The following MAGI3 variants were observed in gnomAD, a reference collection of about 807,000 sequenced individuals.
The protein encoded by MAGI3 is membrane associated guanylate kinase, WW and PDZ domain containing 3.
A neutral mutation model predicts 121.8 loss-of-function variants in MAGI3; 43 were observed. The observed-to-expected ratio is 0.35, with a 90% CI of 0.28 to 0.46. MAGI3 has a LOEUF of 0.46. MAGI3 is among the 20% of genes least tolerant of loss of function. The pLI, the probability that MAGI3 is intolerant of heterozygous loss-of-function variation, is 1.00. For missense variants in MAGI3, 1,547 were observed against 1,797.3 expected, an observed-to-expected ratio of 0.86 and a Z score of 2.52; for synonymous variants, 553 against 639.3, an observed-to-expected ratio of 0.86 and a Z score of 2.04.
At chr1:113,420,151 C>T (rs1257925356) in intron 1 of MAGI3, among the ~76,000 whole-genome samples, 9 of 152,188 alleles carry the variant, frequency 5.9e-5, no homozygotes, top group African/African-American at 2.2e-4. Flanking sequence ...ATGTCCTAGA[C>T]ATTGGCAGTG....
chr1:113,627,148 A>G (rs1490444147), intron 9 of MAGI3, among the ~76,000 whole-genome samples: 1 of 151,922 alleles, frequency 6.6e-6, no homozygotes, highest in African/African-American at 2.4e-5. Flanking sequence ...TATTTGTTTC[A>G]AGAAATTTTT....
chr1:113,411,264 AC>A (rs1328299962), intron 1 of MAGI3, among the ~76,000 whole-genome samples: 1 of 152,174 alleles, frequency 6.6e-6, no homozygotes, highest in Non-Finnish European at 1.5e-5. Flanking sequence ...CTATTTGGAT[AC>A]ACTGACCTTA....
At chr1:113,537,094 A>T (rs1469925247) in intron 1 of MAGI3, among the ~76,000 whole-genome samples, 1 of 152,160 alleles carries the variant, frequency 6.6e-6, no homozygotes, top group Non-Finnish European at 1.5e-5. Context: ...CTTGGCTCTT[A>T]CCATTAGCAC....
intron 1 of MAGI3, among the ~76,000 whole-genome samples, chr1:113,408,868 T>G (rs947284209): frequency 1.2e-4 from 19 of 152,154 alleles, no homozygotes; most frequent in African/African-American, 4.6e-4. Flanking sequence ...TTTCTAGGAT[T>G]AATCTATTAC....
intron 1 of MAGI3, among the ~76,000 whole-genome samples, chr1:113,531,951 A>G (rs980538876): frequency 6.6e-5 from 10 of 152,180 alleles, no homozygotes; most frequent in Non-Finnish European, 8.8e-5. Flanking sequence ...AATTTCTTAC[A>G]CAGTTTCTTT....
intron 1 of MAGI3, among the ~76,000 whole-genome samples, chr1:113,547,380 CA>C (rs1181037120): frequency 6.6e-6 from 1 of 151,680 alleles, no homozygotes; most frequent in Non-Finnish European, 1.5e-5. Flanking sequence ...ATCTTTTATC[CA>C]AATTAAGTCT....
At chr1:113,553,143 T>C (rs145617153) in intron 2 of MAGI3, among the ~76,000 whole-genome samples, 63 of 152,270 alleles carry the variant, frequency 4.1e-4, no homozygotes, top group South Asian at 2.5e-3. Context: ...ACTATGATCC[T>C]TGAGAGAAGA....
rs775888303 is a variant in MAGI3, at chr1:113,683,473, C to T, written c.3905C>T (p.Ser1302Leu). 6.2e-7 allele frequency: 1 copy of T among 1,613,936 alleles called. No homozygotes were observed. The highest frequency in any genetic ancestry group is 1.7e-5 in the Admixed American group (1 of 60,018). ...AAAATTGAAGGAAGCAAAGCTCCAT[C>T]AAATGCTGAGGCCAAATTATTAGAG... Reference protein sequence around the residue: ...QQKIEGSKAPSNAEAKLLEGK... With the variant: ...QQKIEGSKAPLNAEAKLLEGK... Residue 1302 changes from serine to leucine, a missense_variant, in exon 21 of 21, where the codon TCA (serine) becomes TTA (leucine). Ser to Leu is a moderately radical substitution (Grantham distance 145). Coordinates refer to ENST00000307546, the MANE Select transcript of MAGI3 (RefSeq NM_001142782.2).
At chr1:113,587,134 T>C (rs1223896214) in intron 4 of MAGI3, among the ~76,000 whole-genome samples, 1 of 152,212 alleles carries the variant, frequency 6.6e-6, no homozygotes, top group Admixed American at 6.5e-5. Context: ...CTGTAGTTGT[T>C]AGTTAACTAA....
At chr1:113,420,442 C>A (rs1018741096) in intron 1 of MAGI3, among the ~76,000 whole-genome samples, 1 of 152,154 alleles carries the variant, frequency 6.6e-6, no homozygotes, top group East Asian at 1.9e-4. Flanking sequence ...GATTTAGGAA[C>A]CTACTGCTTA....
At chr1:113,474,526 A>T (rs919786159) in intron 1 of MAGI3, among the ~76,000 whole-genome samples, 4 of 152,178 alleles carry the variant, frequency 2.6e-5, no homozygotes, top group Non-Finnish European at 5.9e-5. Flanking sequence ...AGGGAATCCT[A>T]TCCCCATTTC....
At chr1:113,671,917 A>G in intron 17 of MAGI3, 81 bp downstream of exon 17, 1 of 1,232,984 alleles carries the variant, frequency 8.1e-7, no homozygotes, top group Non-Finnish European at 1.2e-6. Flanking sequence ...CCCACTCCCC[A>G]TCATCCACCC....
intron 1 of MAGI3, among the ~76,000 whole-genome samples, chr1:113,416,382 TA>T (rs1292453558): frequency 2.2e-5 from 2 of 89,894 alleles, no homozygotes; most frequent in African/African-American, 4.1e-5. Flanking sequence ...AATATATTAA[TA>T]ATATATATTA....
At chr1:113,656,608 G>C (rs1196297128) in intron 15 of MAGI3, among the ~76,000 whole-genome samples, 1 of 151,956 alleles carries the variant, frequency 6.6e-6, no homozygotes, top group Non-Finnish European at 1.5e-5. Flanking sequence ...GCAGAGACGG[G>C]GTTTTGCCAT....
chr1:113,561,079 C>G (rs1660215600), intron 2 of MAGI3, among the ~76,000 whole-genome samples: 1 of 152,086 alleles, frequency 6.6e-6, no homozygotes, highest in African/African-American at 2.4e-5. Flanking sequence ...GAAATTGATT[C>G]CCTGAAGAGA....
chr1:113,668,569 CT>C (rs370302032), intron 16 of MAGI3, among the ~76,000 whole-genome samples: 118 of 94,848 alleles, frequency 1.2e-3, no homozygotes, highest in Middle Eastern at 0.015. Flanking sequence ...AAACATGTAA[CT>C]TTTTTTTTTT....
intron 9 of MAGI3, among the ~76,000 whole-genome samples, chr1:113,641,005 T>TG (rs1652439334): frequency 9.0e-5 from 5 of 55,546 alleles, no homozygotes; most frequent in Non-Finnish European, 1.8e-4. Flanking sequence ...ATGATATATA[T>TG]AATATATATG....
At chr1:113,409,065 A>G (rs1570630004) in intron 1 of MAGI3, among the ~76,000 whole-genome samples, 1 of 152,046 alleles carries the variant, frequency 6.6e-6, no homozygotes, top group Non-Finnish European at 1.5e-5. Flanking sequence ...ATCTGTAAAC[A>G]CTTTCTATAC....
intron 6 of MAGI3, among the ~76,000 whole-genome samples, chr1:113,613,777 A>G (rs1014901937): frequency 6.6e-6 from 1 of 152,192 alleles, no homozygotes; most frequent in Non-Finnish European, 1.5e-5. Flanking sequence ...CAACTTATCC[A>G]TGTTTTACTA....
Sources: allele counts gnomAD v4.1 joint callset (sites outside exome capture counted in the v4.1 genomes callset), GRCh38; gene constraint gnomAD v4.1.1; transcripts MANE v1.5; gene names NCBI Gene and HGNC (gene_info 2026-07-23, HGNC 2026-07-21).